BORCS7: variants seen among roughly 807,000 people sequenced by gnomAD.
BORCS7 encodes the protein BLOC-1-related complex subunit 7.
Under a neutral mutation model 17.5 loss-of-function variants are expected in BORCS7, and 20 were observed. The observed-to-expected ratio is 1.14, with a 90% confidence interval of 0.80 to 1.66. The LOEUF is 1.66. BORCS7 is among the 40% of genes most tolerant of loss of function. BORCS7 has a pLI of 0.00. For synonymous variants in BORCS7, 57 were observed against 49.8 expected (o/e 1.14, Z -0.61); for missense variants, 122 against 129.7 (o/e 0.94, Z 0.29).
chr10:102,862,012 G>A lies in BORCS7; in HGVS notation c.249-148G>A, dbSNP rs143826175. 3.5e-4 allele frequency: 254 copies of A among 735,290 alleles called. 2 individuals are homozygous for A. In the African/African-American group the frequency reaches 4.2e-3, roughly 12 times the overall value. The allele number at this position is 735,290 out of a possible 1,614,324, so 45.5% of individuals were successfully genotyped here. A position where few individuals can be genotyped will look rare whatever the true frequency, so the allele number is the denominator to read the frequency against. ...GCTCTGCACTCAGACAGGAATCCCT[G>A]TTCAATAGCACAATCTTAGGATAGG... On this transcript the variant is annotated intron_variant, in intron 3 of 4. Coordinates refer to ENST00000339834, the MANE Select transcript of BORCS7 (RefSeq NM_001136200.2).
rs1216073105 is a variant in BORCS7, at chr10:102,854,361, G to C, written c.75G>C (p.Val25=). 1 of 1,582,234 alleles carries C rather than the reference G, an allele frequency of 6.3e-7. No homozygotes were observed. The highest frequency in any genetic ancestry group is 1.2e-5 in the South Asian group (1 of 86,744). Residue 25 remains valine, a synonymous_variant, in exon 1 of 5, where the codon GTG becomes GTC. Transcript: ENST00000339834. ...TGAAGGGGCTTCTCACGGAGAAGGT[G>C]ACCACCTGTGGTACTGACGTAATCG... ...QSVKGLLTEK[V]TTCGTDVIAL... is the part of the protein sequence containing the mutation.
intron 1 of BORCS7, 27 bp from the exon 2 acceptor site, chr10:102,860,305 T>A: frequency 1.9e-6 from 3 of 1,607,184 alleles, no homozygotes; most frequent in Non-Finnish European, 2.6e-6. Context: ...GAATTTTGAT[T>A]ATTACCATTT....
Position 102,862,903 on chromosome 10 carries a change from G to A in BORCS7, c.300G>A (p.Gln100=). The A allele has an allele frequency of 6.2e-7, 1 of 1,611,040 alleles. No homozygotes were observed. Among genetic ancestry groups the A allele is most frequent in the South Asian group, 1.1e-5 (1 of 91,022 alleles). ...NVEQSSDLQD[Q]LNHLLK ...AACAGTCATCGGATCTACAGGACCA[G>A]TTGAATCATCTGTTGAAATAGAATG... The change falls in exon 5 of 5, where the codon CAG becomes CAA. Residue 100 remains glutamine (Q), a synonymous_variant. Coordinates refer to ENST00000339834, the MANE Select transcript of BORCS7 (RefSeq NM_001136200.2).
At chr10:102,857,677 C>T (rs570902599) in intron 1 of BORCS7, among the ~76,000 whole-genome samples, 5 of 152,210 alleles carry the variant, frequency 3.3e-5, no homozygotes, top group Non-Finnish European at 7.4e-5. Context: ...CACTACTTAC[C>T]GTGGCAAAAG....
chr10:102,860,585 T>G (rs767244518), intron 3 of BORCS7, 44 bp downstream of exon 3: 1 of 1,588,010 alleles, frequency 6.3e-7, no homozygotes, highest in Non-Finnish European at 8.6e-7. Flanking sequence ...AGAATCATTA[T>G]CCCTGGTCTG....
Position 102,860,380 on chromosome 10 carries a change from T to C in BORCS7, c.190T>C (p.Leu64=), listed in dbSNP as rs200949047. The stretch of plus-strand genomic sequence containing the variant: ...CATGGTACTCCAGGAAGATGCCATC[T>C]TGCACTCAGAAGATGTAAGAAACAA... ...RNMVLQEDAI[L]HSEDSLRKMA... is the part of the protein sequence containing the mutation. The change falls in exon 2 of 5, where the codon TTG becomes CTG. Residue 64 remains leucine, a synonymous_variant. Transcript: ENST00000339834. The C allele has an allele frequency of 6.2e-7, 1 of 1,614,178 alleles. No homozygotes were observed. Among genetic ancestry groups the C allele is most frequent in the East Asian group, 2.2e-5 (1 of 44,888 alleles).
intron 1 of BORCS7, among the ~76,000 whole-genome samples, chr10:102,858,195 AGAGAGAGC>A (rs1303412722): frequency 6.1e-5 from 4 of 65,616 alleles, no homozygotes; most frequent in Non-Finnish European, 1.4e-4. Flanking sequence ...ATATATAGAG[AGAGAGAGC>A]GAGCGAGAGA....
At position 102,863,295 on chromosome 10, in the gene BORCS7, A is replaced by C. The variant is rs1459340489; in HGVS notation, c.*371A>C. The C allele has an allele frequency of 6.2e-6, 1 of 160,398 alleles. No individual in the cohort carries two copies. The allele number at this position is 160,398 out of a possible 1,614,324, so 9.9% of individuals were successfully genotyped here. ...GGTTGCAGTGAGCCAAGATCGCGCC[A>C]CTGCACTCCAGCCTGGGCGACAGAG... On this transcript the variant is annotated 3_prime_UTR_variant, in exon 5 of 5. Coordinates refer to ENST00000339834, the MANE Select transcript of BORCS7 (RefSeq NM_001136200.2).
chr10:102,857,519 T>C (rs1195417205), intron 1 of BORCS7, among the ~76,000 whole-genome samples: 1 of 152,114 alleles, frequency 6.6e-6, no homozygotes, highest in East Asian at 1.9e-4. Flanking sequence ...AATTTGGCAA[T>C]ATGTAGCAAA....
chr10:102,863,933 T>A lies in BORCS7; in HGVS notation c.*1009T>A, dbSNP rs1844558062. ...CATCAGCAAATTCACTTGCATGACG[T>A]TACTGCCAAATATGAAGGCAGTTGA... is the stretch of plus-strand genomic sequence containing the variant. On this transcript the variant is annotated 3_prime_UTR_variant, in exon 5 of 5. Coordinates refer to ENST00000339834, the MANE Select transcript of BORCS7 (RefSeq NM_001136200.2). The A allele has an allele frequency of 6.6e-6, 1 of 152,246 alleles. No individual in the cohort carries two copies. The highest frequency in any genetic ancestry group is 2.4e-5 in the African/African-American group (1 of 41,478). 9.4% of individuals were successfully genotyped at this position (152,246 alleles called of 1,614,324 possible). A position where few individuals can be genotyped will look rare whatever the true frequency, so the allele number is the denominator to read the frequency against.
intron 1 of BORCS7, among the ~76,000 whole-genome samples, chr10:102,858,026 A>G (rs148595145): frequency 6.6e-6 from 1 of 151,900 alleles, no homozygotes; most frequent in Non-Finnish European, 1.5e-5. Flanking sequence ...CTATCTGCGC[A>G]TGGTGGCATG....
rs370866891 is a variant in BORCS7 at position 102,858,018 on chromosome 10, ATC to A, written c.142-2312_142-2311del. Among the ~76,000 whole-genome samples, 16 of 152,004 alleles carry A rather than the reference ATC, an allele frequency of 1.1e-4. No individual in the cohort carries two copies. The East Asian group carries it at 3.1e-3, about 29-fold the overall frequency. On this transcript the variant is annotated intron_variant, in intron 1 of 4. Transcript: ENST00000339834. ...TCTCTACAAAAAAATACAAAAAACT[ATC>A]TGCGCATGGTGGCATGCACTTGTAG... is the stretch of plus-strand genomic sequence containing the variant.
rs1844555941 is a variant in BORCS7 at position 102,863,772 on chromosome 10, C to T, written c.*848C>T. ...GTGTTTTATTTGTGATAGCAAATTC[C>T]TAAATGAACATTAGGCAAGTGGTAT... is the stretch of plus-strand genomic sequence containing the variant. On this transcript the variant is annotated 3_prime_UTR_variant, in exon 5 of 5. Coordinates refer to ENST00000339834, the MANE Select transcript of BORCS7 (RefSeq NM_001136200.2). 1 of 152,106 alleles carries T rather than the reference C, an allele frequency of 6.6e-6. No homozygotes were observed. Among genetic ancestry groups the T allele is most frequent in the Non-Finnish European group, 1.5e-5 (1 of 68,032 alleles). 9.4% of individuals were successfully genotyped at this position (152,106 alleles called of 1,614,324 possible).
intron 1 of BORCS7, among the ~76,000 whole-genome samples, chr10:102,855,525 C>T (rs375128940): frequency 9.2e-5 from 14 of 152,188 alleles, no homozygotes; most frequent in East Asian, 3.8e-4. Flanking sequence ...GTGTAAAAAA[C>T]TCATTCCACA....
At position 102,864,159 on chromosome 10, in the gene BORCS7, A is replaced by G. The variant is rs920176490; in HGVS notation, c.*1235A>G. On this transcript the variant is annotated 3_prime_UTR_variant, in exon 5 of 5. Transcript: ENST00000339834. ...ACTAAGAGATTGAGAGAAATCTGAC[A>G]TAAGAAAATATTGTTTTCACTGCAG... is the stretch of plus-strand genomic sequence containing the variant. 2 of 152,226 alleles carry G rather than the reference A, an allele frequency of 1.3e-5. No homozygotes were observed. 9.4% of individuals were successfully genotyped at this position (152,226 alleles called of 1,614,324 possible).
chr10:102,861,763 T>A (rs1050488851), intron 3 of BORCS7, among the ~76,000 whole-genome samples: 1 of 151,730 alleles, frequency 6.6e-6, no homozygotes, highest in African/African-American at 2.4e-5. Flanking sequence ...AAACAAAATA[T>A]ATATATATGG....
At chr10:102,855,338 AG>A (rs1260040278) in intron 1 of BORCS7, among the ~76,000 whole-genome samples, 1 of 151,690 alleles carries the variant, frequency 6.6e-6, no homozygotes, top group East Asian at 1.9e-4. Flanking sequence ...TTGTATTCTT[AG>A]TAGAGATGAG....
At chr10:102,862,572 G>A (rs1844537847) in intron 4 of BORCS7, among the ~76,000 whole-genome samples, 1 of 152,212 alleles carries the variant, frequency 6.6e-6, no homozygotes, top group Non-Finnish European at 1.5e-5. Flanking sequence ...TTTCTTCAGA[G>A]TTTAAACACT....
At chr10:102,854,481 C>T (rs542382839) in intron 1 of BORCS7, 54 bp downstream of exon 1, 58 of 1,502,892 alleles carry the variant, frequency 3.9e-5, no homozygotes, top group South Asian at 1.3e-4. Context: ...CGCAGTCTTT[C>T]GTTGCTGTGG....
Sources: allele counts gnomAD v4.1 joint callset (sites outside exome capture counted in the v4.1 genomes callset), GRCh38; gene constraint gnomAD v4.1.1; transcripts MANE v1.5; gene names NCBI Gene and HGNC (gene_info 2026-07-23, HGNC 2026-07-21).